The following WLS variants were observed in gnomAD, a reference collection of about 807,000 sequenced individuals.
WLS encodes the protein Wnt ligand secretion mediator.
A neutral mutation model predicts 62.8 loss-of-function variants in WLS; 23 were observed. The observed-to-expected ratio is 0.37, with a 90% CI of 0.26 to 0.52. The LOEUF is 0.52. Among genes scored for constraint, WLS ranks in the 20% least tolerant of loss-of-function variants. The pLI is 0.92. For missense variants in WLS, 615 were observed against 697.3 expected, an observed-to-expected ratio of 0.88 and a Z score of 1.33; for synonymous variants, 246 against 244.1, an observed-to-expected ratio of 1.01 and a Z score of -0.07.
chr1:68,232,287 T>C lies in WLS; in HGVS notation c.13A>G (p.Ile5Val), dbSNP rs1160503998. 2 of 1,613,828 alleles carry C rather than the reference T, an allele frequency of 1.2e-6. No homozygotes were observed. The highest frequency in any genetic ancestry group is 2.2e-5 in the East Asian group (1 of 44,842). Residue 5 changes from isoleucine (I) to valine (V), a missense_variant, in exon 1 of 12, where the codon ATT (isoleucine) becomes GTT (valine). Physicochemically the swap from Ile to Val is conservative, Grantham distance 29 (BLOSUM62 3). Transcript: ENST00000262348. Reference protein sequence around the residue: MAGAIIENMSTKKLC... With the variant: MAGAVIENMSTKKLC... ...TTCTTGGTGCTCATGTTTTCTATAATTGCCCCAGCCATTTTTGCGCCCCCC... is the reference window on the plus strand; with the variant it reads ...TTCTTGGTGCTCATGTTTTCTATAACTGCCCCAGCCATTTTTGCGCCCCCC...
At chr1:68,226,326 G>T (rs1456307456) in intron 1 of WLS, among the ~76,000 whole-genome samples, 2 of 152,036 alleles carry the variant, frequency 1.3e-5, no homozygotes, top group African/African-American at 2.4e-5. Context: ...AGGTAATCTT[G>T]TGCAGTTTTA....
At chr1:68,153,735 G>A (rs967124012) in intron 4 of WLS, 82 bp from the exon 5 acceptor site, 6 of 1,582,382 alleles carry the variant, frequency 3.8e-6, no homozygotes, top group Admixed American at 3.4e-5. Flanking sequence ...TGTGGGAGAG[G>A]TAAGTGGAGA....
chr1:68,151,983 GTTA>G (rs1421723924), intron 5 of WLS, among the ~76,000 whole-genome samples: 2 of 152,178 alleles, frequency 1.3e-5, no homozygotes, highest in Non-Finnish European at 2.9e-5. Context: ...GCGATGGTTG[GTTA>G]GTTAGATTAG....
At chr1:68,144,238 T>G (rs1646723898) in intron 10 of WLS, among the ~76,000 whole-genome samples, 1 of 152,244 alleles carries the variant, frequency 6.6e-6, no homozygotes, top group African/African-American at 2.4e-5. Flanking sequence ...ATGTTAATGC[T>G]AGATAAAAAT....
chr1:68,139,044 T>C (rs1557469548), intron 10 of WLS, among the ~76,000 whole-genome samples: 1 of 152,214 alleles, frequency 6.6e-6, no homozygotes, highest in East Asian at 1.9e-4. Flanking sequence ...GGTCTAAGTA[T>C]AGGTATTTTT....
Position 68,230,588 on chromosome 1 carries a change from CGTGT to C in WLS, c.106+1602_106+1605del, listed in dbSNP as rs145944948. On this transcript the variant is annotated intron_variant, in intron 1 of 11. Transcript: ENST00000262348. ...GCCAACCCGTGTGTGTGTGTGCGCG[CGTGT>C]GTGTGTGTGTGTGTGTGTGTGTTGA... is the stretch of plus-strand genomic sequence containing the variant. Among the ~76,000 whole-genome samples the C allele has an allele frequency of 3.5e-3, 524 of 149,138 alleles. 2 individuals carry two copies. The highest frequency in any genetic ancestry group is 0.012 in the African/African-American group (470 of 40,526).
intron 1 of WLS, among the ~76,000 whole-genome samples, chr1:68,199,956 A>G (rs1648910312): frequency 6.6e-6 from 1 of 152,138 alleles, no homozygotes; most frequent in African/African-American, 2.4e-5. Flanking sequence ...CTTCCTCTAA[A>G]TTAGAGGAAG....
downstream of WLS, chr1:68,125,222 ACT>A: frequency 1.3e-6 from 1 of 799,436 alleles, no homozygotes; most frequent in African/African-American, 1.9e-5. Context: ...AGAAAATGTC[ACT>A]CTTTCTCCAG....
Position 68,232,366 on chromosome 1 carries a change from C to A in WLS, c.-67G>T. The stretch of plus-strand genomic sequence containing the variant: ...TTTAGGGTGAGCTTTTTGCTCCCTC[C>A]TCTCACACACTCCCTCCTTCCTCGC... On this transcript the variant is annotated 5_prime_UTR_variant, in exon 1 of 12. The change creates a new upstream start codon in the 5' untranslated region. Transcript: ENST00000262348. 6.4e-7 allele frequency: 1 copy of A among 1,555,788 alleles called. No individual in the cohort carries two copies.
At chr1:68,195,446 GCACA>G (rs1648610209) in intron 1 of WLS, among the ~76,000 whole-genome samples, 1 of 152,254 alleles carries the variant, frequency 6.6e-6, no homozygotes, top group Admixed American at 6.5e-5. Context: ...TAGTGCTTGG[GCACA>G]CACAAAGTAT....
chr1:68,225,752 C>T (rs1216039414), intron 1 of WLS, among the ~76,000 whole-genome samples: 1 of 152,134 alleles, frequency 6.6e-6, no homozygotes, highest in African/African-American at 2.4e-5. Flanking sequence ...TCAATTCCTC[C>T]ACCATCACTA....
At chr1:68,162,725 C>G (rs1570924888) in intron 2 of WLS, 4 of 1,170,598 alleles carry the variant, frequency 3.4e-6, no homozygotes, top group Non-Finnish European at 5.1e-6. Flanking sequence ...ATATTGCACA[C>G]AGCAATTCCG....
At chr1:68,216,207 A>G (rs1557525848) in intron 1 of WLS, among the ~76,000 whole-genome samples, 1 of 152,214 alleles carries the variant, frequency 6.6e-6, no homozygotes, top group African/African-American at 2.4e-5. Flanking sequence ...TAATGTAGCA[A>G]TTAATATTCA....
At chr1:68,125,249 C>A, downstream of WLS, 1 of 901,292 alleles carries the variant, frequency 1.1e-6, no homozygotes, top group Non-Finnish European at 1.3e-6. Context: ...AGGTATTATC[C>A]CCAAACACTT....
intron 1 of WLS, among the ~76,000 whole-genome samples, chr1:68,207,190 T>G (rs139515160): frequency 4.5e-4 from 69 of 152,290 alleles, no homozygotes; most frequent in African/African-American, 1.6e-3. Flanking sequence ...GTAGGTCTAA[T>G]CCAATAATAA....
intron 6 of WLS, 133 bp from the exon 7 acceptor site, chr1:68,148,793 G>T: frequency 1.4e-6 from 1 of 739,136 alleles, no homozygotes; most frequent in Non-Finnish European, 2.2e-6. Context: ...TTCTAGGTAT[G>T]AGAACAAAGA....
chr1:68,178,295 A>G (rs951929271), intron 2 of WLS, among the ~76,000 whole-genome samples: 2 of 152,204 alleles, frequency 1.3e-5, no homozygotes, highest in African/African-American at 4.8e-5. Flanking sequence ...TTCTCTCTCC[A>G]TGAATTAGAC....
intron 1 of WLS, among the ~76,000 whole-genome samples, chr1:68,219,600 G>A (rs945149282): frequency 2.0e-5 from 3 of 152,102 alleles, no homozygotes; most frequent in Non-Finnish European, 4.4e-5. Flanking sequence ...CAAAATGCAA[G>A]GCATTCATCT....
downstream of WLS, among the ~76,000 whole-genome samples, chr1:68,120,524 AG>A (rs1646350840): frequency 6.6e-6 from 1 of 152,254 alleles, no homozygotes; most frequent in African/African-American, 2.4e-5. Context: ...AAGTTCCTTT[AG>A]TTCCAACTCT....
Sources: gnomAD v4.1 joint callset for allele counts (sites outside exome capture counted in the v4.1 genomes callset) on GRCh38, gnomAD v4.1.1 for gene constraint, MANE v1.5 for transcripts, NCBI Gene and HGNC (gene_info 2026-07-23, HGNC 2026-07-21) for gene names.